Variants in EXOC4 observed in about 807,000 individuals in gnomAD.
EXOC4 encodes exocyst complex component 4, also known as SEC8-like 1.
A neutral mutation model predicts 107.2 loss-of-function variants in EXOC4; 71 were observed. That is an observed-to-expected ratio of 0.66 (90% CI 0.55 to 0.81). EXOC4 has a LOEUF of 0.81. EXOC4 is among the 30% of genes least tolerant of loss of function. EXOC4 has a pLI of 0.00. For synonymous variants in EXOC4, 456 were observed against 441.2 expected (o/e 1.03, Z -0.42); for missense variants, 1,108 against 1,189.6 (o/e 0.93, Z 1.01).
chr7:134,007,551 A>T, intron 16 of EXOC4, 125 bp from the exon 17 acceptor site: 1 of 801,872 alleles, frequency 1.2e-6, no homozygotes, highest in Non-Finnish European at 1.8e-6. Flanking sequence ...CATCAGAGGT[A>T]GATTTTCTTT....
chr7:133,602,694 T>C (rs1045071263), intron 9 of EXOC4, among the ~76,000 whole-genome samples: 3 of 152,188 alleles, frequency 2.0e-5, no homozygotes, highest in African/African-American at 7.2e-5. Flanking sequence ...AGATTATGGA[T>C]GAACAGATTG....
chr7:133,508,158 A>G (rs543823938), intron 9 of EXOC4, among the ~76,000 whole-genome samples: 7 of 152,258 alleles, frequency 4.6e-5, no homozygotes, highest in South Asian at 2.1e-4. Context: ...ATAATACATC[A>G]TGATATTTCT....
intron 6 of EXOC4, among the ~76,000 whole-genome samples, chr7:133,372,462 G>A (rs574754327): frequency 6.6e-6 from 1 of 152,186 alleles, no homozygotes; most frequent in Non-Finnish European, 1.5e-5. Context: ...CTGGAACTGT[G>A]TCAGCATTTT....
rs768627248 is a variant in EXOC4 at position 133,274,964 on chromosome 7, ACT to A, written c.87-13_87-12del. On this transcript the variant is annotated splice_polypyrimidine_tract_variant and intron_variant, in intron 1 of 17. Transcript: ENST00000253861. The stretch of plus-strand genomic sequence containing the variant: ...TTTCAAGTTTTACTTAGCTTGATAT[ACT>A]CTCTGCCTTCACCAGGACTCTGTCT... The A allele has an allele frequency of 3.9e-6, 6 of 1,549,112 alleles. No homozygotes were observed. Among genetic ancestry groups the A allele is most frequent in the East Asian group, 2.3e-5 (1 of 44,260 alleles).
intron 10 of EXOC4, among the ~76,000 whole-genome samples, chr7:133,753,661 G>A (rs1325971243): frequency 2.0e-5 from 3 of 152,212 alleles, no homozygotes; most frequent in Non-Finnish European, 4.4e-5. Context: ...ATTCCTGCCT[G>A]AGGAGTCAAC....
At chr7:134,032,578 G>A (rs1218349912) in intron 17 of EXOC4, among the ~76,000 whole-genome samples, 1 of 152,188 alleles carries the variant, frequency 6.6e-6, no homozygotes, top group Non-Finnish European at 1.5e-5. Flanking sequence ...GTCCTGAGCT[G>A]GGGGGCCTCA....
At chr7:133,863,701 T>G (rs1365449989) in intron 11 of EXOC4, among the ~76,000 whole-genome samples, 1 of 152,234 alleles carries the variant, frequency 6.6e-6, no homozygotes, top group East Asian at 1.9e-4. Flanking sequence ...GTTTATATAT[T>G]TTCTTTCACT....
chr7:133,742,928 C>T (rs1194067032), intron 10 of EXOC4, among the ~76,000 whole-genome samples: 1 of 152,140 alleles, frequency 6.6e-6, no homozygotes, highest in Non-Finnish European at 1.5e-5. Context: ...CCCAACTGCC[C>T]TCTGGTGGCA....
In EXOC4 at chr7:133,253,201, G is replaced by A; in HGVS notation, c.86+14G>A. ...CTCTGTGATCAGGTGAGGGAGGCAG[G>A]AGGCAGGGTCTGGGGACTGGGGGCA... On this transcript the variant is annotated intron_variant, in intron 1 of 17. Coordinates refer to ENST00000253861, the MANE Select transcript of EXOC4 (RefSeq NM_021807.4). The A allele has an allele frequency of 6.2e-7, 1 of 1,613,374 alleles. No homozygotes were observed. Among genetic ancestry groups the A allele is most frequent in the Non-Finnish European group, 8.5e-7 (1 of 1,179,500 alleles).
chr7:133,519,715 T>C (rs758458726), intron 9 of EXOC4, among the ~76,000 whole-genome samples: 1 of 152,096 alleles, frequency 6.6e-6, no homozygotes, highest in Non-Finnish European at 1.5e-5. Context: ...TTCAAAATAG[T>C]TTAGAGAAGT....
intron 12 of EXOC4, among the ~76,000 whole-genome samples, chr7:133,904,041 CTG>C (rs1366559534): frequency 6.6e-6 from 1 of 151,998 alleles, no homozygotes; most frequent in Admixed American, 6.6e-5. Context: ...AAAAAAGAGA[CTG>C]GGAGTAGAGG....
At chr7:133,865,950 T>C (rs1166375229) in intron 11 of EXOC4, among the ~76,000 whole-genome samples, 1 of 152,198 alleles carries the variant, frequency 6.6e-6, no homozygotes, top group Non-Finnish European at 1.5e-5. Context: ...TCTGTTTTGC[T>C]ATGCATATTT....
At chr7:133,587,393 G>A (rs974933335) in intron 9 of EXOC4, among the ~76,000 whole-genome samples, 4 of 152,204 alleles carry the variant, frequency 2.6e-5, no homozygotes, top group Non-Finnish European at 5.9e-5. Flanking sequence ...GAATGAGGAT[G>A]TTAGTGTCTT....
chr7:133,820,115 C>A (rs531649924), intron 11 of EXOC4, among the ~76,000 whole-genome samples: 4 of 148,730 alleles, frequency 2.7e-5, no homozygotes, highest in African/African-American at 7.4e-5. Context: ...AAGCTATTAA[C>A]CTGCAAATTT....
At chr7:133,533,325 A>G (rs1280238415) in intron 9 of EXOC4, among the ~76,000 whole-genome samples, 1 of 152,134 alleles carries the variant, frequency 6.6e-6, no homozygotes, top group Admixed American at 6.6e-5. Flanking sequence ...CCTCATCTCT[A>G]TAAACGCTTG....
At chr7:133,291,119 G>A (rs1265807431) in intron 3 of EXOC4, 1 of 152,070 alleles carries the variant, frequency 6.6e-6, no homozygotes, top group African/African-American at 2.4e-5. Flanking sequence ...AAACTATCTG[G>A]TTGGGGCAGG....
intron 10 of EXOC4, among the ~76,000 whole-genome samples, chr7:133,715,777 A>G (rs1794987290): frequency 6.6e-6 from 1 of 152,146 alleles, no homozygotes; most frequent in Admixed American, 6.5e-5. Flanking sequence ...AAGGAAGGGA[A>G]GAGAAGGGAG....
intron 9 of EXOC4, among the ~76,000 whole-genome samples, chr7:133,495,107 T>C (rs1300030354): frequency 6.6e-6 from 1 of 151,966 alleles, no homozygotes; most frequent in Non-Finnish European, 1.5e-5. Flanking sequence ...ATAAAATTAG[T>C]TGAGTATAGT....
At chr7:133,629,271 T>TC (rs1802529243) in intron 9 of EXOC4, among the ~76,000 whole-genome samples, 1 of 152,166 alleles carries the variant, frequency 6.6e-6, no homozygotes, top group Non-Finnish European at 1.5e-5. Context: ...GGGTCTTAGA[T>TC]ATGATAAAGT....
Sources: gnomAD v4.1 joint callset for allele counts (sites outside exome capture counted in the v4.1 genomes callset) on GRCh38, gnomAD v4.1.1 for gene constraint, MANE v1.5 for transcripts, NCBI Gene and HGNC (gene_info 2026-07-23, HGNC 2026-07-21) for gene names.